The following NLE1 variants were observed in gnomAD, a reference collection of about 807,000 sequenced individuals.
NLE1 encodes the protein notchless protein homolog 1.
Under a neutral mutation model 62.8 loss-of-function variants are expected in NLE1, and 37 were observed. The ratio of observed to expected loss-of-function variants is 0.59; its 90% confidence interval spans 0.45 to 0.78. The LOEUF (loss-of-function observed/expected upper bound fraction) is 0.78. Among genes scored for constraint, NLE1 ranks in the 30% least tolerant of loss-of-function variants. The pLI is 0.00. For synonymous variants in NLE1, 243 were observed against 253.0 expected, an observed-to-expected ratio of 0.96 and a Z score of 0.37; for missense variants, 555 against 637.9, an observed-to-expected ratio of 0.87 and a Z score of 1.40.
rs373070408 is a variant in NLE1 at position 35,141,941 on chromosome 17, G to C, written c.162+38C>G. 4 of 1,539,544 alleles carry C rather than the reference G, an allele frequency of 2.6e-6. No individual in the cohort carries two copies. The African/African-American group carries it at 5.5e-5, about 21-fold the overall frequency. Reference sequence around the variant, plus strand: ...ATGATTCCCCCACCGCATCCGCCCGGGGGTGGAGATGCGAGGCCGCCCTGG... The same window carrying C: ...ATGATTCCCCCACCGCATCCGCCCGCGGGTGGAGATGCGAGGCCGCCCTGG... On this transcript the variant is annotated intron_variant, in intron 2 of 12. Transcript: ENST00000442241.
rs773324681 is a variant in NLE1, at chr17:35,133,282, G to T, written c.1375-41C>A. On this transcript the variant is annotated intron_variant, in intron 11 of 12. Coordinates refer to ENST00000442241, the MANE Select transcript of NLE1 (RefSeq NM_018096.5). ...GGAAGGCAGGTGGGGTGGTGAGAGG[G>T]AGACAGCCAGCCAGGCTCCAATCCC... 5.0e-6 allele frequency: 8 copies of T among 1,614,004 alleles called. No homozygotes were observed. The Middle Eastern group carries it at 6.6e-4, about 133-fold the overall frequency.
At position 35,130,631 on chromosome 17, in the gene NLE1, C is replaced by T; in HGVS notation, c.*1806G>A. 2 of 586,276 alleles carry T rather than the reference C, an allele frequency of 3.4e-6. No individual in the cohort carries two copies. Among genetic ancestry groups the T allele is most frequent in the South Asian group, 2.1e-5 (1 of 46,692 alleles). 36.3% of individuals were successfully genotyped at this position (586,276 alleles called of 1,614,324 possible). On this transcript the variant is annotated 3_prime_UTR_variant, in exon 13 of 13. Coordinates refer to ENST00000442241, the MANE Select transcript of NLE1 (RefSeq NM_018096.5). Reference sequence around the variant, plus strand: ...TCACCTGGAGGCATCTCAGGCCAGGCCATGCCAGGCTCAGCCACTGCCCAC... The same window carrying T: ...TCACCTGGAGGCATCTCAGGCCAGGTCATGCCAGGCTCAGCCACTGCCCAC...
In NLE1 at chr17:35,131,221, G is replaced by C. The variant is rs2091874343; in HGVS notation, c.*1216C>G. The C allele has an allele frequency of 6.6e-6, 1 of 152,250 alleles. No individual in the cohort carries two copies. The highest frequency in any genetic ancestry group is 6.5e-5 in the Admixed American group (1 of 15,276). The allele number at this position is 152,250 out of a possible 1,614,324, so 9.4% of individuals were successfully genotyped here. A position where few individuals can be genotyped will look rare whatever the true frequency, so the allele number is the denominator to read the frequency against. ...GCACCAAGGAGCTCAGTGGCTGATA[G>C]TTTTGTTCGCTTCTTATGTAGCCTC... On this transcript the variant is annotated 3_prime_UTR_variant, in exon 13 of 13. Coordinates refer to ENST00000442241, the MANE Select transcript of NLE1 (RefSeq NM_018096.5).
chr17:35,133,271 G>C, intron 11 of NLE1, 30 bp from the exon 12 acceptor site: 1 of 1,614,060 alleles, frequency 6.2e-7, no homozygotes. Context: ...GGCAGGTGGG[G>C]TGGTGAGAGG....
chr17:35,141,844 G>A (rs1567748197), intron 2 of NLE1, 135 bp downstream of exon 2: 5 of 968,706 alleles, frequency 5.2e-6, no homozygotes, highest in African/African-American at 1.6e-5. Flanking sequence ...CTCTGACATA[G>A]GTGGGAGCTC....
intron 2 of NLE1, 68 bp downstream of exon 2, chr17:35,141,911 G>T: frequency 6.7e-7 from 1 of 1,493,026 alleles, no homozygotes. Flanking sequence ...CAGACCCTCG[G>T]TAATATGATT....
chr17:35,130,056 A>G lies in NLE1; in HGVS notation c.*2381T>C, dbSNP rs866872721. The G allele has an allele frequency of 2.1e-6, 3 of 1,409,614 alleles. No homozygotes were observed. The highest frequency in any genetic ancestry group is 3.2e-5 in the South Asian group (2 of 63,126). The allele number at this position is 1,409,614 out of a possible 1,614,324, so 87.3% of individuals were successfully genotyped here. ...GTATGGGGTAGGGGTATGGGGGTAT[A>G]GAGGCCTGAGTACAGACAGCCCTTT... On this transcript the variant is annotated 3_prime_UTR_variant, in exon 13 of 13. Transcript: ENST00000442241.
chr17:35,136,370 T>C lies in NLE1; in HGVS notation c.956A>G (p.Gln319Arg), dbSNP rs1434367293. 6.2e-7 allele frequency: 1 copy of C among 1,613,188 alleles called. No homozygotes were observed. Among genetic ancestry groups the C allele is most frequent in the Non-Finnish European group, 8.5e-7 (1 of 1,179,232 alleles). ...TTCTCCCAATCACTCACAGGATCCT[T>C]GGAGGTCTTGGGGATTAACTGAGGC... ...AEASVNPQDL[Q>R]GSLQELKERA... The change falls in exon 8 of 13, where the codon CAA (glutamine) becomes CGA (arginine). Residue 319 changes from glutamine (Q) to arginine (R), a missense_variant. Transcript: ENST00000442241.
At chr17:35,135,140 G>A in intron 10 of NLE1, 109 bp downstream of exon 10, 1 of 983,626 alleles carries the variant, frequency 1.0e-6, no homozygotes, top group Admixed American at 1.8e-5. Flanking sequence ...AGGAAACAGT[G>A]GCTTAGAAAA....
chr17:35,136,029 A>T, intron 9 of NLE1, 140 bp downstream of exon 9: 3 of 768,816 alleles, frequency 3.9e-6, no homozygotes, highest in Non-Finnish European at 6.3e-6. Flanking sequence ...TAGGATTGCA[A>T]ACTAGGATTA....
intron 1 of NLE1, 34 bp downstream of exon 1, chr17:35,142,224 G>GCGACGCCCCCCGC: frequency 6.4e-7 from 1 of 1,560,372 alleles, no homozygotes; most frequent in Non-Finnish European, 8.7e-7. Flanking sequence ...GCGCCCCGCG[G>GCGACGCCCCCCGC]CGACGCCCCC....
At chr17:35,140,373 C>A (rs1055024688) in intron 2 of NLE1, among the ~76,000 whole-genome samples, 5 of 151,942 alleles carry the variant, frequency 3.3e-5, no homozygotes, top group Non-Finnish European at 4.4e-5. Flanking sequence ...GGATTACAGG[C>A]ACCCATCACC....
chr17:35,133,582 T>C, intron 10 of NLE1, 84 bp from the exon 11 acceptor site: 1 of 1,323,846 alleles, frequency 7.6e-7, no homozygotes, highest in Non-Finnish European at 1.0e-6. Context: ...CTCATGGCAG[T>C]GGTTCTCAAC....
chr17:35,139,329 A>G lies in NLE1; in HGVS notation c.381-15T>C. The stretch of plus-strand genomic sequence containing the variant: ...TGGCCAGGTACCTGGGGAAGAAGAG[A>G]GGATGCTTGACACTGCACATGTGCA... On this transcript the variant is annotated splice_polypyrimidine_tract_variant and intron_variant, in intron 3 of 12. Transcript: ENST00000442241. 1 of 1,610,206 alleles carries G rather than the reference A, an allele frequency of 6.2e-7. No individual in the cohort carries two copies. The highest frequency in any genetic ancestry group is 8.5e-7 in the Non-Finnish European group (1 of 1,176,604).
Position 35,136,348 on chromosome 17 carries a change from T to C in NLE1, c.964+14A>G. ...CCCAATCAGCCCCCGCTCTTCCTTCTCCCAATCACTCACAGGATCCTTGGA... is the reference window on the plus strand; with the variant it reads ...CCCAATCAGCCCCCGCTCTTCCTTCCCCCAATCACTCACAGGATCCTTGGA... On this transcript the variant is annotated intron_variant, in intron 8 of 12. Transcript: ENST00000442241. The C allele has an allele frequency of 6.2e-7, 1 of 1,611,678 alleles. No individual in the cohort carries two copies. The highest frequency in any genetic ancestry group is 8.5e-7 in the Non-Finnish European group (1 of 1,177,944).
chr17:35,130,563 AC>A lies in NLE1; in HGVS notation c.*1873del. ...CGGGGTCTGGCAGAGTGGTATGGGCACCCCACCCCTGGGCTGGGGCCAAGGC... is the reference window on the plus strand; with the variant it reads ...CGGGGTCTGGCAGAGTGGTATGGGCACCCACCCCTGGGCTGGGGCCAAGGC... On this transcript the variant is annotated 3_prime_UTR_variant, in exon 13 of 13. Transcript: ENST00000442241. 1.0e-6 allele frequency: 1 copy of A among 987,236 alleles called. No individual in the cohort carries two copies. The highest frequency in any genetic ancestry group is 1.5e-6 in the Non-Finnish European group (1 of 685,904). The allele number at this position is 987,236 out of a possible 1,614,324, so 61.2% of individuals were successfully genotyped here.
chr17:35,138,619 G>A (rs1389420553), intron 4 of NLE1, among the ~76,000 whole-genome samples: 4 of 151,990 alleles, frequency 2.6e-5, no homozygotes, highest in African/African-American at 7.2e-5. Flanking sequence ...AATTTTTGTA[G>A]TTTTAGTAGA....
In NLE1 at chr17:35,137,031, G is replaced by A. The variant is rs1406409359; in HGVS notation, c.798C>T (p.Asp266=). 1 of 1,612,956 alleles carries A rather than the reference G, an allele frequency of 6.2e-7. No homozygotes were observed. The highest frequency in any genetic ancestry group is 8.5e-7 in the Non-Finnish European group (1 of 1,179,232). ...GAGCTCTCCAGACTTTGATGGTGCG[G>A]TCCTGGGAGGCAGAGTAGAGAAGCC... is the stretch of plus-strand genomic sequence containing the variant. ...GDGLLYSASQ[D]RTIKVWRAHD... The change falls in exon 7 of 13, where the codon GAC becomes GAT. Residue 266 remains aspartate, a synonymous_variant. Coordinates refer to ENST00000442241, the MANE Select transcript of NLE1 (RefSeq NM_018096.5).
rs554232539 is a variant in NLE1, at chr17:35,137,526, C to A, written c.635+17G>T. 32 of 1,588,246 alleles carry A rather than the reference C, an allele frequency of 2.0e-5. No individual in the cohort carries two copies. In the East Asian group the frequency reaches 6.3e-4, roughly 31 times the overall value. ...ATCCCCTGGCTCATTTGTCCCAGCT[C>A]CGTCAGTGTCACTTACGCATGGAGG... On this transcript the variant is annotated intron_variant, in intron 6 of 12. Coordinates refer to ENST00000442241, the MANE Select transcript of NLE1 (RefSeq NM_018096.5).
Sources: allele counts gnomAD v4.1 joint callset (sites outside exome capture counted in the v4.1 genomes callset), GRCh38; gene constraint gnomAD v4.1.1; transcripts MANE v1.5; gene names NCBI Gene and HGNC (gene_info 2026-07-23, HGNC 2026-07-21).